MRPL9: variants seen among roughly 807,000 people sequenced by gnomAD.
MRPL9 encodes mitochondrial ribosomal protein L9.
In MRPL9, 25 loss-of-function variants were observed where a neutral mutation model predicts 27.6. The observed-to-expected ratio is 0.91, with a 90% CI of 0.66 to 1.27. MRPL9 has a LOEUF of 1.27. Ranked by LOEUF, MRPL9 falls within the 50% of genes most tolerant of loss-of-function variation. The probability of loss-of-function intolerance (pLI) is 0.00; values close to 1 mark genes in which losing one functional copy is unlikely to be tolerated. For missense variants in MRPL9, 362 were observed against 338.0 expected, an observed-to-expected ratio of 1.07 and a Z score of -0.56; for synonymous variants, 154 against 139.0, an observed-to-expected ratio of 1.11 and a Z score of -0.76.
At chr1:151,760,783 G>GAA (rs750280308) in intron 6 of MRPL9, 33 bp downstream of exon 6, 1 of 1,528,184 alleles carries the variant, frequency 6.5e-7, no homozygotes, top group East Asian at 2.3e-5. Flanking sequence ...AAAGGAGAAA[G>GAA]AAAAGAAAAA....
chr1:151,760,108 T>G lies in MRPL9; in HGVS notation c.746A>C (p.Lys249Thr). 3 of 1,614,154 alleles carry G rather than the reference T, an allele frequency of 1.9e-6. No homozygotes were observed. The highest frequency in any genetic ancestry group is 2.5e-6 in the Non-Finnish European group (3 of 1,180,012). The change falls in exon 7 of 7, where the codon AAG (lysine) becomes ACG (threonine). Residue 249 changes from lysine to threonine, a missense_variant. Transcript: ENST00000368830. ...GGCAGCTTGCTGGGCTAACCAGTAC[T>G]TATATCTTTTGGTCTTGGGCTTCTC... ...NFEKPKTKRY[K>T]YWLAQQAAKA... is the part of the protein sequence containing the mutation.
intron 6 of MRPL9, 45 bp downstream of exon 6, chr1:151,760,771 G>T (rs769763380): frequency 2.7e-6 from 4 of 1,494,434 alleles, no homozygotes; most frequent in Non-Finnish European, 3.6e-6. Context: ...AAAAGTGGGG[G>T]AAAAGGAGAA....
At chr1:151,760,300 G>C in intron 6 of MRPL9, 119 bp from the exon 7 acceptor site, 1 of 1,301,642 alleles carries the variant, frequency 7.7e-7, no homozygotes, top group South Asian at 1.2e-5. Flanking sequence ...AGCTAGGGCT[G>C]GGCACAGTGG....
Position 151,760,133 on chromosome 1 carries a change from C to G in MRPL9, c.721G>C (p.Glu241Gln). The change falls in exon 7 of 7, where the codon GAG becomes CAG. Residue 241 changes from glutamate to glutamine, a missense_variant. Transcript: ENST00000368830. The stretch of plus-strand genomic sequence containing the variant: ...TTATATCTTTTGGTCTTGGGCTTCT[C>G]AAAGTTCACGACAGACATAGGCACT... ...VRVPMSVVNF[E>Q]KPKTKRYKYW... The G allele has an allele frequency of 6.2e-7, 1 of 1,614,162 alleles. No homozygotes were observed. The highest frequency in any genetic ancestry group is 1.3e-5 in the African/African-American group (1 of 75,040).
Position 151,762,130 on chromosome 1 carries a change from T to G in MRPL9, c.461A>C (p.Lys154Thr), listed in dbSNP as rs1648113041. 7 of 1,614,100 alleles carry G rather than the reference T, an allele frequency of 4.3e-6. No homozygotes were observed. The highest frequency in any genetic ancestry group is 5.1e-6 in the Non-Finnish European group (6 of 1,180,042). Reference protein sequence around the residue: ...KLLRQEGKLEKIQTKAGEATV... With the variant: ...KLLRQEGKLETIQTKAGEATV... Reference sequence around the variant, plus strand: ...CGCCTCACCTGCCTTGGTCTGGATCTTCTCTAATTTTCCTTCTTGTCTCAG... The same window carrying G: ...CGCCTCACCTGCCTTGGTCTGGATCGTCTCTAATTTTCCTTCTTGTCTCAG... The change falls in exon 4 of 7, where the codon AAG becomes ACG. Residue 154 changes from lysine to threonine, a missense_variant. Physicochemically the swap from Lys to Thr is moderately conservative, Grantham distance 78. Coordinates refer to ENST00000368830, the MANE Select transcript of MRPL9 (RefSeq NM_031420.4).
Position 151,760,026 on chromosome 1 carries a change from T to C in MRPL9, c.*24A>G. 6.2e-7 allele frequency: 1 copy of C among 1,608,938 alleles called. No homozygotes were observed. The highest frequency in any genetic ancestry group is 1.7e-5 in the Admixed American group (1 of 59,158). On this transcript the variant is annotated 3_prime_UTR_variant, in exon 7 of 7. Transcript: ENST00000368830. ...TGCTCCACTGCTCCCGATTCTGCTTTGCTGCCTTGGAGGGAGAGTAGATTT... is the reference window on the plus strand; with the variant it reads ...TGCTCCACTGCTCCCGATTCTGCTTCGCTGCCTTGGAGGGAGAGTAGATTT...
intron 1 of MRPL9, 38 bp downstream of exon 1, chr1:151,763,289 C>T: frequency 3.8e-6 from 6 of 1,572,120 alleles, no homozygotes; most frequent in Non-Finnish European, 5.2e-6. Flanking sequence ...AAACAATACT[C>T]GAGCGTATCT....
intron 4 of MRPL9, chr1:151,761,843 A>C (rs1359700460): frequency 1.7e-6 from 1 of 593,246 alleles, no homozygotes; most frequent in Non-Finnish European, 3.0e-6. Context: ...ATATCCTTGA[A>C]GGCAGAGCCC....
intron 6 of MRPL9, 40 bp from the exon 7 acceptor site, chr1:151,760,221 G>GT (rs763736404): frequency 5.6e-6 from 9 of 1,613,030 alleles, no homozygotes; most frequent in Non-Finnish European, 7.6e-6. Flanking sequence ...GATCAGTCAG[G>GT]TAAGTAAGAT....
At chr1:151,760,925 A>T in intron 5 of MRPL9, 26 bp from the exon 6 acceptor site, 1 of 1,479,422 alleles carries the variant, frequency 6.8e-7, no homozygotes, top group Non-Finnish European at 9.1e-7. Context: ...AAAAAAAAAA[A>T]ATCTCAGCTC....
At chr1:151,761,930 C>T in intron 4 of MRPL9, 175 bp downstream of exon 4, 1 of 643,326 alleles carries the variant, frequency 1.6e-6, no homozygotes. Context: ...CTTCACCCAA[C>T]ACATCAGGGA....
Position 151,760,913 on chromosome 1 carries a change from A to AAAG in MRPL9, c.589-15_589-14insCTT. ...CACAACACCAAGCTGCAAAAAAAAA[A>AAAG]AAAAAAAAAAAAATCTCAGCTCAAA... On this transcript the variant is annotated splice_polypyrimidine_tract_variant and intron_variant, in intron 5 of 6. Coordinates refer to ENST00000368830, the MANE Select transcript of MRPL9 (RefSeq NM_031420.4). 1 of 1,550,122 alleles carries AAAG rather than the reference A, an allele frequency of 6.5e-7. No individual in the cohort carries two copies. The highest frequency in any genetic ancestry group is 8.6e-7 in the Non-Finnish European group (1 of 1,159,360).
chr1:151,762,735 C>A (rs796321633), intron 2 of MRPL9: 4 of 645,632 alleles, frequency 6.2e-6, no homozygotes, highest in South Asian at 4.3e-5. Context: ...TGGAGGATTT[C>A]AGTATCTGTG....
intron 5 of MRPL9, among the ~76,000 whole-genome samples, 176 bp from the exon 6 acceptor site, chr1:151,761,075 C>T (rs781184131): frequency 4.6e-5 from 7 of 152,052 alleles, no homozygotes; most frequent in African/African-American, 7.2e-5. Context: ...CCTTCATAGA[C>T]GGTAGTAGAG....
At chr1:151,763,193 C>T (rs1044658933) in intron 1 of MRPL9, 47 bp from the exon 2 acceptor site, 1 of 1,587,700 alleles carries the variant, frequency 6.3e-7, no homozygotes, top group Non-Finnish European at 8.6e-7. Flanking sequence ...CAAGGAACAC[C>T]CTCTCCCTCC....
At position 151,760,142 on chromosome 1, in the gene MRPL9, C is replaced by A. The variant is rs146264718; in HGVS notation, c.712G>T (p.Val238Leu). 5.0e-5 allele frequency: 80 copies of A among 1,613,970 alleles called. No individual in the cohort carries two copies. Among genetic ancestry groups the A allele is most frequent in the Non-Finnish European group, 6.6e-5 (78 of 1,180,014 alleles). Residue 238 changes from valine to leucine, a missense_variant, in exon 7 of 7, where the codon GTG becomes TTG. Physicochemically the swap from Val to Leu is conservative, Grantham distance 32. Coordinates refer to ENST00000368830, the MANE Select transcript of MRPL9 (RefSeq NM_031420.4). ...TTGGTCTTGGGCTTCTCAAAGTTCA[C>A]GACAGACATAGGCACTCTCACAGTA... is the stretch of plus-strand genomic sequence containing the variant. Reference protein sequence around the residue: ...LDTVRVPMSVVNFEKPKTKRY... With the variant: ...LDTVRVPMSVLNFEKPKTKRY...
chr1:151,762,592 C>T, intron 2 of MRPL9, 92 bp from the exon 3 acceptor site: 1 of 1,335,484 alleles, frequency 7.5e-7, no homozygotes, highest in East Asian at 2.3e-5. Context: ...TAGTTTCTCA[C>T]AGTGCTTATT....
In MRPL9 at chr1:151,763,004, G is replaced by A. The variant is rs1470469956; in HGVS notation, c.296C>T (p.Thr99Met). Residue 99 changes from threonine (T) to methionine (M), a missense_variant, in exon 2 of 7, where the codon ACG becomes ATG. Physicochemically the swap from Thr to Met is moderately conservative, Grantham distance 81. Coordinates refer to ENST00000368830, the MANE Select transcript of MRPL9 (RefSeq NM_031420.4). ...CCGGGCCTTACTCTCCACCGACTGC[G>A]TCAGGATGAGCTCCAGGTTTTCTTT... ...RPKENLELIL[T>M]QSVENVGVRG... The A allele has an allele frequency of 6.8e-6, 11 of 1,614,062 alleles. No individual in the cohort carries two copies. The highest frequency in any genetic ancestry group is 2.2e-5 in the South Asian group (2 of 91,076).
rs1185652624 is a variant in MRPL9 at position 151,760,805 on chromosome 1, A to C, written c.672+11T>G. 1.9e-6 allele frequency: 3 copies of C among 1,565,378 alleles called. No individual in the cohort carries two copies. Among genetic ancestry groups the C allele is most frequent in the Non-Finnish European group, 1.7e-6 (2 of 1,163,750 alleles). On this transcript the variant is annotated intron_variant, in intron 6 of 6. Transcript: ENST00000368830. ...AAAGAAAAGAAAAAAGAAAGTATGC[A>C]AAACACTCACCGTCACCTCACACCA...
Sources: gnomAD v4.1 joint callset for allele counts (sites outside exome capture counted in the v4.1 genomes callset) on GRCh38, gnomAD v4.1.1 for gene constraint, MANE v1.5 for transcripts, NCBI Gene and HGNC (gene_info 2026-07-23, HGNC 2026-07-21) for gene names.